The following CNTNAP2 variants were observed in gnomAD, a reference collection of about 807,000 sequenced individuals.
The protein encoded by CNTNAP2 is contactin-associated protein-like 2.
CNTNAP2 carries 98 observed loss-of-function variants against 155.2 expected under a neutral mutation model. That is an observed-to-expected ratio of 0.63 (90% confidence interval 0.54 to 0.75). CNTNAP2 has a LOEUF of 0.75. CNTNAP2 is among the 30% of genes least tolerant of loss of function. The pLI is 0.00. For missense variants in CNTNAP2, 1,727 were observed against 1,688.1 expected, an observed-to-expected ratio of 1.02 and a Z score of -0.40; for synonymous variants, 651 against 631.2, an observed-to-expected ratio of 1.03 and a Z score of -0.47.
chr7:147,232,200 GC>G (rs1299427519), intron 8 of CNTNAP2, among the ~76,000 whole-genome samples: 1 of 152,172 alleles, frequency 6.6e-6, no homozygotes, highest in African/African-American at 2.4e-5. Flanking sequence ...TGAAAAGATA[GC>G]CCATATACAT....
At chr7:146,351,153 C>T (rs1794909389) in intron 1 of CNTNAP2, among the ~76,000 whole-genome samples, 3 of 151,408 alleles carry the variant, frequency 2.0e-5, no homozygotes, top group African/African-American at 7.3e-5. Context: ...ACATTGTGCA[C>T]ATGTACCCTA....
chr7:148,132,210 T>G (rs1804844699), intron 16 of CNTNAP2, among the ~76,000 whole-genome samples: 1 of 152,314 alleles, frequency 6.6e-6, no homozygotes, highest in East Asian at 1.9e-4. Context: ...TGCATTTTAC[T>G]GAAATTACAA....
chr7:146,142,882 A>C (rs548894387), intron 1 of CNTNAP2, among the ~76,000 whole-genome samples: 1 of 152,338 alleles, frequency 6.6e-6, no homozygotes, highest in African/African-American at 2.4e-5. Context: ...GAAATGTTTC[A>C]ATGTAAGAAA....
chr7:147,817,213 A>C (rs376045277), intron 13 of CNTNAP2, among the ~76,000 whole-genome samples: 1 of 152,224 alleles, frequency 6.6e-6, no homozygotes, highest in African/African-American at 2.4e-5. Context: ...AAAAGAAAGA[A>C]AGAAAAATGA....
intron 14 of CNTNAP2, among the ~76,000 whole-genome samples, chr7:147,919,072 C>A (rs760554806): frequency 6.6e-6 from 1 of 152,068 alleles, no homozygotes; most frequent in Non-Finnish European, 1.5e-5. Context: ...GTAGTAGGCT[C>A]AGAGAGATGC....
At chr7:146,156,924 G>A (rs902476275) in intron 1 of CNTNAP2, among the ~76,000 whole-genome samples, 4 of 152,144 alleles carry the variant, frequency 2.6e-5, no homozygotes, top group African/African-American at 9.7e-5. Context: ...TTTTATAGAC[G>A]CTCTTCTTTG....
chr7:146,790,613 A>G (rs1471298206), intron 2 of CNTNAP2, among the ~76,000 whole-genome samples: 1 of 142,656 alleles, frequency 7.0e-6, no homozygotes, highest in Non-Finnish European at 1.5e-5. Context: ...TCTGTCGCCC[A>G]GGCTGGAGTG....
At chr7:147,230,025 T>A (rs545679267) in intron 8 of CNTNAP2, among the ~76,000 whole-genome samples, 3 of 152,108 alleles carry the variant, frequency 2.0e-5, no homozygotes, top group Non-Finnish European at 4.4e-5. Context: ...GTTACTAAAA[T>A]GTTGTTTACA....
At chr7:148,414,631 C>G (rs1158570696) in intron 23 of CNTNAP2, 3 of 152,352 alleles carry the variant, frequency 2.0e-5, no homozygotes, top group Non-Finnish European at 4.4e-5. Flanking sequence ...TGACATTTTG[C>G]TACATTTTTT....
In CNTNAP2 at chr7:147,070,205, T is replaced by G. The variant is rs192132033; in HGVS notation, c.550+26151T>G. ...CTTTAAAGAAAATATATTGTGCCTA[T>G]CTACAATCTCAGAGGGAAATTAGGT... On this transcript the variant is annotated intron_variant, in intron 4 of 23. Transcript: ENST00000361727. Among the ~76,000 whole-genome samples the G allele has an allele frequency of 2.2e-3, 340 of 152,340 alleles. 1 individual carries two copies. Among genetic ancestry groups the G allele is most frequent in the African/African-American group, 7.8e-3 (325 of 41,584 alleles).
rs73741725 is a variant in CNTNAP2 at position 146,505,072 on chromosome 7, C to A, written c.98-269199C>A. 9.3e-3 allele frequency among the ~76,000 whole-genome samples: 1,417 copies of A among 152,308 alleles called. 14 individuals carry two copies. Among genetic ancestry groups the A allele is most frequent in the African/African-American group, 0.032 (1,332 of 41,574 alleles). ...CATTACAGGTCAGCCAGGAAGCAAG[C>A]ATGCCATGGGTTTTGTGGCATCCCC... is the stretch of plus-strand genomic sequence containing the variant. On this transcript the variant is annotated intron_variant, in intron 1 of 23. Coordinates refer to ENST00000361727, the MANE Select transcript of CNTNAP2 (RefSeq NM_014141.6).
chr7:146,466,665 T>A (rs1381086726), intron 1 of CNTNAP2, among the ~76,000 whole-genome samples: 1 of 152,172 alleles, frequency 6.6e-6, no homozygotes, highest in Non-Finnish European at 1.5e-5. Flanking sequence ...TATAGCATAA[T>A]AAAAGAATAA....
intron 10 of CNTNAP2, among the ~76,000 whole-genome samples, chr7:147,446,650 G>A (rs572698805): frequency 6.6e-6 from 1 of 152,278 alleles, no homozygotes; most frequent in Non-Finnish European, 1.5e-5. Context: ...TCAAGAGACT[G>A]TTTACATTAT....
chr7:147,169,777 A>G (rs1288937435), intron 8 of CNTNAP2, among the ~76,000 whole-genome samples: 1 of 152,110 alleles, frequency 6.6e-6, no homozygotes, highest in Non-Finnish European at 1.5e-5. Flanking sequence ...CTAAAACTGA[A>G]TCAGTAATAA....
rs138765288 is a variant in CNTNAP2, at chr7:146,597,166, A to G, written c.98-177105A>G. ...CTTCATAGGAGGCATGGCATTGATC[A>G]TCACTGGTCTTTTATCATCATTATC... On this transcript the variant is annotated intron_variant, in intron 1 of 23. Transcript: ENST00000361727. Among the ~76,000 whole-genome samples, 163 of 152,194 alleles carry G rather than the reference A, an allele frequency of 1.1e-3. 1 individual carries two copies. Among genetic ancestry groups the G allele is most frequent in the Middle Eastern group, 6.8e-3 (2 of 294 alleles).
At chr7:146,485,713 C>T (rs893784690) in intron 1 of CNTNAP2, among the ~76,000 whole-genome samples, 1 of 151,994 alleles carries the variant, frequency 6.6e-6, no homozygotes, top group Non-Finnish European at 1.5e-5. Context: ...GCCTCCACCT[C>T]GACAGGTTCA....
chr7:146,411,019 C>T (rs1795857373), intron 1 of CNTNAP2, among the ~76,000 whole-genome samples: 1 of 152,240 alleles, frequency 6.6e-6, no homozygotes, highest in South Asian at 2.1e-4. Context: ...TGCTGAAAGA[C>T]ACTTAGGGTG....
chr7:146,442,332 T>C (rs1796331213), intron 1 of CNTNAP2, among the ~76,000 whole-genome samples: 1 of 150,224 alleles, frequency 6.7e-6, no homozygotes, highest in South Asian at 2.1e-4. Context: ...TATACTATGA[T>C]ACATCTAAGT....
At chr7:147,638,683 G>A in intron 12 of CNTNAP2, 1 of 369,202 alleles carries the variant, frequency 2.7e-6, no homozygotes, top group Non-Finnish European at 5.4e-6. Flanking sequence ...CACCATGTAG[G>A]AAGACTCAGA....
Sources: gnomAD v4.1 joint callset for allele counts (sites outside exome capture counted in the v4.1 genomes callset) on GRCh38, gnomAD v4.1.1 for gene constraint, MANE v1.5 for transcripts, NCBI Gene and HGNC (gene_info 2026-07-23, HGNC 2026-07-21) for gene names.